Variants in PTPRK observed in about 807,000 individuals in gnomAD.
PTPRK encodes receptor-type tyrosine-protein phosphatase kappa.
A neutral mutation model predicts 178.0 loss-of-function variants in PTPRK; 75 were observed. The ratio of observed to expected loss-of-function variants is 0.42; its 90% CI spans 0.35 to 0.51. The LOEUF (loss-of-function observed/expected upper bound fraction) is 0.51, where lower values mean the gene tolerates loss of function less well. Ranked by LOEUF, PTPRK falls within the 20% of genes least tolerant of loss-of-function variation. The pLI is 0.02. For synonymous variants in PTPRK, 637 were observed against 620.6 expected, an observed-to-expected ratio of 1.03 and a Z score of -0.39; for missense variants, 1,441 against 1,797.8, an observed-to-expected ratio of 0.80 and a Z score of 3.59.
intron 27 of PTPRK, among the ~76,000 whole-genome samples, chr6:127,975,834 A>G (rs997676582): frequency 6.6e-6 from 1 of 151,696 alleles, no homozygotes; most frequent in Non-Finnish European, 1.5e-5. Flanking sequence ...CACCATGTCC[A>G]GCTAATTTTT....
intron 1 of PTPRK, among the ~76,000 whole-genome samples, chr6:128,464,294 G>GA (rs1849465618): frequency 6.6e-6 from 1 of 151,946 alleles, no homozygotes; most frequent in African/African-American, 2.4e-5. Context: ...CTAGTCTCTA[G>GA]ATGGAAAGAA....
chr6:128,302,391 CAAAAAAAAAAAAAAAA>C (rs534525238), intron 3 of PTPRK, among the ~76,000 whole-genome samples: 1,530 of 30,960 alleles, frequency 0.049, 70 homozygotes, highest in African/African-American at 0.086. Flanking sequence ...GACTCAATTC[CAAAAAAAAAAAAAAAA>C]AAAAAAAAAA....
At chr6:128,031,680 T>C (rs1775360635) in intron 13 of PTPRK, among the ~76,000 whole-genome samples, 1 of 152,192 alleles carries the variant, frequency 6.6e-6, no homozygotes, top group Non-Finnish European at 1.5e-5. Context: ...ACAACCCAAA[T>C]ACTTCCAAAT....
At chr6:128,295,618 C>A (rs1433877172) in intron 3 of PTPRK, among the ~76,000 whole-genome samples, 4 of 152,032 alleles carry the variant, frequency 2.6e-5, no homozygotes, top group African/African-American at 9.7e-5. Context: ...ACAGTTGATA[C>A]TTTTTGGTTC....
intron 8 of PTPRK, among the ~76,000 whole-genome samples, chr6:128,087,057 G>A (rs752889937): frequency 5.9e-5 from 9 of 152,186 alleles, no homozygotes; most frequent in East Asian, 5.8e-4. Context: ...TTTGATCAAT[G>A]TAGGGCATAA....
intron 3 of PTPRK, among the ~76,000 whole-genome samples, chr6:128,249,899 C>T (rs73592686): frequency 0.07 from 10,605 of 152,212 alleles, 1,017 homozygotes; most frequent in African/African-American, 0.21. Flanking sequence ...GCGCCCCCAC[C>T]CAAATCTCAT....
chr6:128,475,783 G>C (rs2128420882), intron 1 of PTPRK, among the ~76,000 whole-genome samples: 1 of 152,022 alleles, frequency 6.6e-6, no homozygotes, highest in East Asian at 1.9e-4. Context: ...GACTGGGCTG[G>C]GATATTTATT....
chr6:128,417,253 G>A (rs1842953970), intron 1 of PTPRK, among the ~76,000 whole-genome samples: 1 of 152,070 alleles, frequency 6.6e-6, no homozygotes, highest in African/African-American at 2.4e-5. Context: ...TGAGGAATAA[G>A]AGAGCCAAGA....
At chr6:128,226,285 T>C (rs1049637730) in intron 5 of PTPRK, among the ~76,000 whole-genome samples, 2 of 152,228 alleles carry the variant, frequency 1.3e-5, no homozygotes, top group Non-Finnish European at 2.9e-5. Flanking sequence ...AAGGTATTCA[T>C]AGCAAATTCT....
At position 128,067,784 on chromosome 6, in the gene PTPRK, T is replaced by C; in HGVS notation, c.1892A>G (p.Gln631Arg). The C allele has an allele frequency of 6.3e-7, 1 of 1,591,724 alleles. No homozygotes were observed. The highest frequency in any genetic ancestry group is 1.3e-5 in the African/African-American group (1 of 74,108). Residue 631 changes from glutamine to arginine, a missense_variant, in exon 12 of 30, where the codon CAG becomes CGG. Gln to Arg is a conservative substitution (Grantham distance 43). This residue lies in a region of PTPRK where 945 missense variants were observed against 1,080.6 expected (regional missense o/e 0.87). Transcript: ENST00000368226. ...TGGGTGCAGTTCTTCCACAACAATC[T>C]GATAAGCACTTTGGGGAAAAGAAAA... ...QAKGAPISAYQIVVEELHPHR... is the reference protein window; with the variant it reads ...QAKGAPISAYRIVVEELHPHR...
At chr6:128,506,471 C>A (rs1045011301) in intron 1 of PTPRK, among the ~76,000 whole-genome samples, 3 of 151,886 alleles carry the variant, frequency 2.0e-5, no homozygotes, top group Admixed American at 6.6e-5. Flanking sequence ...GGTTTTTATA[C>A]ATGGCAAGAC....
At chr6:128,063,492 G>A (rs897329010) in intron 13 of PTPRK, 1 of 152,062 alleles carries the variant, frequency 6.6e-6, no homozygotes, top group South Asian at 2.1e-4. Context: ...AGGTCAATGT[G>A]GGACACTTTT....
At position 128,189,377 on chromosome 6, in the gene PTPRK, C is replaced by T. The variant is rs957724127; in HGVS notation, c.869-4652G>A. Among the ~76,000 whole-genome samples the T allele has an allele frequency of 1.2e-3, 179 of 150,882 alleles. 1 individual carries two copies. Among genetic ancestry groups the T allele is most frequent in the Non-Finnish European group, 2.2e-4 (15 of 67,726 alleles). On this transcript the variant is annotated intron_variant, in intron 6 of 29. Transcript: ENST00000368226. ...GCCTCAGCCTCCCAAATAGCCGGGA[C>T]TACAGGTGCATGCCACCACACCCGG... is the stretch of plus-strand genomic sequence containing the variant.
At chr6:128,329,291 G>A (rs2128324681) in intron 2 of PTPRK, among the ~76,000 whole-genome samples, 1 of 152,058 alleles carries the variant, frequency 6.6e-6, no homozygotes, top group East Asian at 1.9e-4. Context: ...TTGGATGTCT[G>A]AAGAATGAAG....
chr6:128,061,055 G>A (rs1294157116), intron 13 of PTPRK, among the ~76,000 whole-genome samples: 1 of 151,890 alleles, frequency 6.6e-6, no homozygotes, highest in Admixed American at 6.6e-5. Context: ...TTTGTCCCTG[G>A]CATATAGTGA....
At chr6:128,278,291 G>A (rs1034273194) in intron 3 of PTPRK, among the ~76,000 whole-genome samples, 2 of 151,910 alleles carry the variant, frequency 1.3e-5, no homozygotes, top group African/African-American at 4.8e-5. Flanking sequence ...CAAGTAGCTG[G>A]GATTACAGGT....
At chr6:128,443,025 C>A (rs1371510444) in intron 1 of PTPRK, among the ~76,000 whole-genome samples, 3 of 151,860 alleles carry the variant, frequency 2.0e-5, no homozygotes, top group Non-Finnish European at 2.9e-5. Flanking sequence ...TAATTGGTTA[C>A]CATCTTAAAA....
chr6:128,472,271 C>T lies in PTPRK; in HGVS notation c.100+47988G>A, dbSNP rs199530478. ...GTGCCTCAGAAGCCCGGTTGTGTTG[C>T]TTCTGTTTATTCACATGGTTCGTTA... is the stretch of plus-strand genomic sequence containing the variant. On this transcript the variant is annotated intron_variant, in intron 1 of 29. Coordinates refer to ENST00000368226, the MANE Select transcript of PTPRK (RefSeq NM_002844.4). 1.2e-4 allele frequency among the ~76,000 whole-genome samples: 18 copies of T among 152,180 alleles called. No individual in the cohort carries two copies. In the East Asian group the frequency reaches 3.3e-3, roughly 28 times the overall value.
At chr6:128,046,319 C>T (rs1165595671) in intron 13 of PTPRK, among the ~76,000 whole-genome samples, 1 of 152,164 alleles carries the variant, frequency 6.6e-6, no homozygotes, top group Non-Finnish European at 1.5e-5. Flanking sequence ...CACTTGCTCC[C>T]TTGCAGGAGA....
Sources: allele counts gnomAD v4.1 joint callset (sites outside exome capture counted in the v4.1 genomes callset), GRCh38; gene constraint gnomAD v4.1.1; regional missense constraint gnomAD v4.1.1; transcripts MANE v1.5; gene names NCBI Gene and HGNC (gene_info 2026-07-23, HGNC 2026-07-21).